Variants in LYST observed in about 807,000 individuals in gnomAD.
The protein encoded by LYST is lysosomal-trafficking regulator.
Under a neutral mutation model 413.6 loss-of-function variants are expected in LYST, and 192 were observed. The ratio of observed to expected loss-of-function variants is 0.46; its 90% CI spans 0.41 to 0.52. The LOEUF is 0.52. Ranked by LOEUF, LYST falls within the 20% of genes least tolerant of loss-of-function variation. LYST has a pLI of 0.00. For synonymous variants in LYST, 1,525 were observed against 1,567.3 expected, an observed-to-expected ratio of 0.97 and a Z score of 0.64; for missense variants, 3,815 against 4,499.9, an observed-to-expected ratio of 0.85 and a Z score of 4.35.
rs561876538 is a variant in LYST, at chr1:235,787,998, C to T, written c.4689-625G>A. Among the ~76,000 whole-genome samples the T allele has an allele frequency of 1.8e-4, 27 of 152,134 alleles. 1 individual carries two copies. Among genetic ancestry groups the T allele is most frequent in the Middle Eastern group, 3.4e-3 (1 of 292 alleles). ...AGAACCCAAGCTTATTAGGTAATCG[C>T]TATTAAATATATAATGCACATGGAA... On this transcript the variant is annotated intron_variant, in intron 13 of 52. Transcript: ENST00000389793.
At position 235,806,388 on chromosome 1, in the gene LYST, G is replaced by A. The variant is rs780371991; in HGVS notation, c.2748C>T (p.Asp916=). 18 of 1,614,024 alleles carry A rather than the reference G, an allele frequency of 1.1e-5. No individual in the cohort carries two copies. Among genetic ancestry groups the A allele is most frequent in the Non-Finnish European group, 1.5e-5 (18 of 1,179,996 alleles). ...CTTCTGAGTCATTGGCCGACTCCCT[G>A]TCAGACTCTGCTTCTTTACTTACGC... ...FLCVSKEAES[D]RESANDSEDT... is the part of the protein sequence containing the mutation. The change falls in exon 6 of 53, where the codon GAC becomes GAT. Residue 916 remains aspartate (D), a synonymous_variant. Coordinates refer to ENST00000389793, the MANE Select transcript of LYST (RefSeq NM_000081.4).
At chr1:235,811,313 G>C (rs13376131) in intron 4 of LYST, among the ~76,000 whole-genome samples, 2 of 152,128 alleles carry the variant, frequency 1.3e-5, no homozygotes, top group African/African-American at 4.8e-5. Flanking sequence ...TAATTAAAAT[G>C]TAAGGATGTA....
intron 1 of LYST, among the ~76,000 whole-genome samples, chr1:235,878,584 A>G (rs992052903): frequency 9.2e-5 from 14 of 152,302 alleles, no homozygotes; most frequent in African/African-American, 3.1e-4. Flanking sequence ...ACCAAATCAC[A>G]GTAATAGCTG....
In LYST at chr1:235,832,027, T is replaced by TA. The variant is rs575585896; in HGVS notation, c.-8+1550dup. Among the ~76,000 whole-genome samples, 10 of 152,350 alleles carry TA rather than the reference T, an allele frequency of 6.6e-5. No homozygotes were observed. In the South Asian group the frequency reaches 2.1e-3, roughly 32 times the overall value. The stretch of plus-strand genomic sequence containing the variant: ...TCAAGACCATTCATGCCACAGCACT[T>TA]AAGAGTACTGCAGTATCGTTTCTGG... On this transcript the variant is annotated intron_variant, in intron 2 of 52. Transcript: ENST00000389793.
At chr1:235,872,399 A>G (rs188034454) in intron 1 of LYST, among the ~76,000 whole-genome samples, 34 of 152,322 alleles carry the variant, frequency 2.2e-4, no homozygotes, top group African/African-American at 7.2e-4. Context: ...CTTAGATTCA[A>G]TGAAGAATGG....
Position 235,693,421 on chromosome 1 carries a change from T to C in LYST, c.10630A>G (p.Asn3544Asp), listed in dbSNP as rs141509909. ...TGTTTACTCTTCAACCTTAAAATAT[T>C]ATCAGCATATCCCCAGCTCAGGATG... ...SAILSWGYAD[N>D]ILRLKSKQSE... Residue 3544 changes from asparagine to aspartate, a missense_variant, in exon 47 of 53, where the codon AAT becomes GAT. Around this residue, in one of 4 missense-constraint regions of LYST, gnomAD observed 866 missense variants for 1,156.0 expected, o/e 0.75. Transcript: ENST00000389793. 1.0e-4 allele frequency: 165 copies of C among 1,613,534 alleles called. No homozygotes were observed. The highest frequency in any genetic ancestry group is 1.4e-4 in the Non-Finnish European group (162 of 1,179,414).
At chr1:235,692,210 G>A (rs1309095427) in intron 47 of LYST, among the ~76,000 whole-genome samples, 2 of 151,454 alleles carry the variant, frequency 1.3e-5, no homozygotes, top group African/African-American at 4.8e-5. Context: ...GCACATGCCT[G>A]TAGTCCCAGC....
At position 235,734,122 on chromosome 1, in the gene LYST, A is replaced by C. The variant is rs528332854; in HGVS notation, c.8536-216T>G. On this transcript the variant is annotated intron_variant, in intron 32 of 52. Coordinates refer to ENST00000389793, the MANE Select transcript of LYST (RefSeq NM_000081.4). ...TTTAGGTCACATAAGTTAGAGTAGAATGGTTAACCAGGGTTGCTAAACCTG... is the reference window on the plus strand; with the variant it reads ...TTTAGGTCACATAAGTTAGAGTAGACTGGTTAACCAGGGTTGCTAAACCTG... Among the ~76,000 whole-genome samples, 16 of 152,236 alleles carry C rather than the reference A, an allele frequency of 1.1e-4. No individual in the cohort carries two copies. The East Asian group carries it at 2.9e-3, about 28-fold the overall frequency.
intron 26 of LYST, 151 bp from the exon 27 acceptor site, chr1:235,752,322 T>C (rs1251757676): frequency 1.6e-6 from 1 of 620,464 alleles, no homozygotes; most frequent in African/African-American, 1.8e-5. Context: ...TCATGCTTAT[T>C]CTATGGCAAG....
intron 45 of LYST, among the ~76,000 whole-genome samples, chr1:235,701,272 T>A (rs936206932): frequency 6.6e-6 from 1 of 152,182 alleles, no homozygotes; most frequent in Non-Finnish European, 1.5e-5. Flanking sequence ...GTAAGTATAG[T>A]AGTAAATTAA....
chr1:235,710,445 A>G (rs1572046123), intron 43 of LYST, among the ~76,000 whole-genome samples: 1 of 152,138 alleles, frequency 6.6e-6, no homozygotes, highest in East Asian at 1.9e-4. Flanking sequence ...TGGGGTGCAT[A>G]AGGGCATTTG....
At chr1:235,727,012 T>A (rs745470755) in intron 38 of LYST, among the ~76,000 whole-genome samples, 5 of 152,208 alleles carry the variant, frequency 3.3e-5, no homozygotes, top group Non-Finnish European at 7.4e-5. Flanking sequence ...GCTATATAAA[T>A]GAGAAAAGAA....
rs188844339 is a variant in LYST, at chr1:235,829,965, C to T, written c.192+261G>A. ...TCTACTAAGAACCATAGTTATCTCACTGATATTACGATAAAAAGCATAGTA... is the reference window on the plus strand; with the variant it reads ...TCTACTAAGAACCATAGTTATCTCATTGATATTACGATAAAAAGCATAGTA... On this transcript the variant is annotated intron_variant, in intron 3 of 52. Coordinates refer to ENST00000389793, the MANE Select transcript of LYST (RefSeq NM_000081.4). The T allele has an allele frequency of 3.1e-3, 1,021 of 328,768 alleles. 12 individuals are homozygous for T. The highest frequency in any genetic ancestry group is 0.013 in the South Asian group (274 of 21,814). 20.4% of individuals were successfully genotyped at this position (328,768 alleles called of 1,614,324 possible). A position where few individuals can be genotyped will look rare whatever the true frequency, so the allele number is the denominator to read the frequency against.
chr1:235,731,705 C>G (rs1216107629), intron 34 of LYST, among the ~76,000 whole-genome samples: 1 of 151,556 alleles, frequency 6.6e-6, no homozygotes, highest in Non-Finnish European at 1.5e-5. Flanking sequence ...ATTACAGGCT[C>G]CCACCACACC....
chr1:235,758,918 CTT>C, intron 23 of LYST, 52 bp downstream of exon 23: 1 of 1,569,606 alleles, frequency 6.4e-7, no homozygotes. Flanking sequence ...GGTAGAGAGT[CTT>C]TAAAGAATAG....
chr1:235,753,145 T>G lies in LYST; in HGVS notation c.7359A>C (p.Gln2453His). The G allele has an allele frequency of 3.1e-6, 5 of 1,609,044 alleles. No homozygotes were observed. The South Asian group carries it at 4.4e-5, about 14-fold the overall frequency. The change falls in exon 26 of 53, where the codon CAA becomes CAC. Residue 2453 changes from glutamine to histidine, a missense_variant. Coordinates refer to ENST00000389793, the MANE Select transcript of LYST (RefSeq NM_000081.4). ...LLHNALLLLL[Q>H]ILNSCSKVAD... Reference sequence around the variant, plus strand: ...CTACCTTAGAACAAGAATTTAAAATTTGGAGAAGAAGTAAAAGAGCATTAT... The same window carrying G: ...CTACCTTAGAACAAGAATTTAAAATGTGGAGAAGAAGTAAAAGAGCATTAT...
rs569792251 is a variant in LYST at position 235,827,908 on chromosome 1, G to T, written c.192+2318C>A. 3.1e-5 allele frequency: 18 copies of T among 589,494 alleles called. No individual in the cohort carries two copies. In the African/African-American group the frequency reaches 3.6e-4, roughly 12 times the overall value. 36.5% of individuals were successfully genotyped at this position (589,494 alleles called of 1,614,324 possible). The stretch of plus-strand genomic sequence containing the variant: ...TAGACTTGGTTCCAGAATACATAAA[G>T]AACTGCTACAACTGATGATAAATAA... On this transcript the variant is annotated intron_variant, in intron 3 of 52. Coordinates refer to ENST00000389793, the MANE Select transcript of LYST (RefSeq NM_000081.4).
intron 21 of LYST, 70 bp from the exon 22 acceptor site, chr1:235,762,921 G>A: frequency 8.7e-7 from 1 of 1,150,840 alleles, no homozygotes; most frequent in Non-Finnish European, 1.3e-6. Context: ...AACTTTAAAA[G>A]CAGATCATTA....
chr1:235,778,363 C>A (rs1168112459), intron 16 of LYST, among the ~76,000 whole-genome samples: 1 of 150,854 alleles, frequency 6.6e-6, no homozygotes, highest in Admixed American at 6.6e-5. Context: ...TTAGATTATT[C>A]TTATTATTTA....
Sources: allele counts gnomAD v4.1 joint callset (sites outside exome capture counted in the v4.1 genomes callset), GRCh38; gene constraint gnomAD v4.1.1; regional missense constraint gnomAD v4.1.1; transcripts MANE v1.5; gene names NCBI Gene and HGNC (gene_info 2026-07-23, HGNC 2026-07-21).